The following CDH3 variants were observed in gnomAD, a reference collection of about 807,000 sequenced individuals.
The protein encoded by CDH3 is cadherin-3.
Under a neutral mutation model 82.0 loss-of-function variants are expected in CDH3, and 54 were observed. That is an observed-to-expected ratio of 0.66 (90% CI 0.53 to 0.83). The LOEUF (loss-of-function observed/expected upper bound fraction) is 0.83, where lower values mean the gene tolerates loss of function less well. Among genes scored for constraint, CDH3 ranks in the 40% least tolerant of loss-of-function variants. The probability of loss-of-function intolerance (pLI) is 0.00; values close to 1 mark genes in which losing one functional copy is unlikely to be tolerated. For missense variants in CDH3, 1,054 were observed against 1,084.6 expected (o/e 0.97, Z 0.40); for synonymous variants, 446 against 437.9 (o/e 1.02, Z -0.23).
chr16:68,678,862 C>T lies in CDH3; in HGVS notation c.647C>T (p.Thr216Ile), dbSNP rs1257195987. 3 of 1,613,968 alleles carry T rather than the reference C, an allele frequency of 1.9e-6. No individual in the cohort carries two copies. The highest frequency in any genetic ancestry group is 2.2e-5 in the East Asian group (1 of 44,894). Residue 216 changes from threonine to isoleucine, a missense_variant, in exon 6 of 16, where the codon ACC (threonine) becomes ATC (isoleucine). Physicochemically the swap from Thr to Ile is moderately conservative, Grantham distance 89 (BLOSUM62 -1). Transcript: ENST00000264012. The part of the protein sequence containing the change: ...TDQNDHKPKF[T>I]QDTFRGSVLE... Reference sequence around the variant, plus strand: ...CAGAATGACCACAAGCCCAAGTTTACCCAGGACACCTTCCGAGGGAGTGTC... The same window carrying T: ...CAGAATGACCACAAGCCCAAGTTTATCCAGGACACCTTCCGAGGGAGTGTC...
chr16:68,693,673 A>G, intron 13 of CDH3, among the ~76,000 whole-genome samples: 1 of 152,140 alleles, frequency 6.6e-6, no homozygotes, highest in East Asian at 1.9e-4. Context: ...ATGTGCATGC[A>G]TCTTCAGAAC....
intron 2 of CDH3, among the ~76,000 whole-genome samples, chr16:68,670,277 G>A (rs1379602357): frequency 6.8e-6 from 1 of 148,114 alleles, no homozygotes; most frequent in Non-Finnish European, 1.5e-5. Context: ...GTTCTTGAAT[G>A]AATGCTGCAT....
intron 2 of CDH3, among the ~76,000 whole-genome samples, chr16:68,661,400 G>A (rs758490372): frequency 3.9e-5 from 6 of 152,174 alleles, no homozygotes; most frequent in Admixed American, 2.0e-4. Flanking sequence ...ATCTCATATG[G>A]TTATGGTGAA....
At chr16:68,679,013 A>G (rs1272152151) in intron 6 of CDH3, 107 bp downstream of exon 6, 8 of 1,204,564 alleles carry the variant, frequency 6.6e-6, no homozygotes, top group African/African-American at 1.5e-5. Context: ...ATTACTTGGG[A>G]TCTTCTTAAA....
chr16:68,656,287 A>G (rs1446482298), intron 2 of CDH3, among the ~76,000 whole-genome samples: 2 of 152,118 alleles, frequency 1.3e-5, no homozygotes. Flanking sequence ...GAACCAGGAT[A>G]TTGGCCCCCA....
At chr16:68,732,664 T>C in the CDH3 span, among the ~76,000 whole-genome samples, 1 of 152,198 alleles carries the variant, frequency 6.6e-6, no homozygotes, top group Non-Finnish European at 1.5e-5. Context: ...CTCCTGGAGT[T>C]TGGGTTTTCC....
chr16:68,726,661 C>T (rs370934272), intron 2 of CDH3, among the ~76,000 whole-genome samples: 3 of 151,508 alleles, frequency 2.0e-5, no homozygotes, highest in East Asian at 3.9e-4. Flanking sequence ...TCACTGCAAC[C>T]TCCGCCTCCC....
chr16:68,647,384 G>A (rs1960105336), intron 2 of CDH3, among the ~76,000 whole-genome samples: 1 of 152,022 alleles, frequency 6.6e-6, no homozygotes, highest in Non-Finnish European at 1.5e-5. Context: ...ACTTCACTAG[G>A]CTTGAGGTTT....
At position 68,645,389 on chromosome 16, in the gene CDH3, C is replaced by T; in HGVS notation, c.10C>T (p.Pro4Ser). Reference protein sequence around the residue: MGLPRGPLASLLLL... With the variant: MGLSRGPLASLLLL... ...CCCTCTCTCTGCAGCCATGGGGCTC[C>T]CTCGTGGACCTCTCGCGTCTCTCCT... The change falls in exon 1 of 16, where the codon CCT becomes TCT. Residue 4 changes from proline (P) to serine (S), a missense_variant. Pro to Ser is a moderately conservative substitution (Grantham distance 74, BLOSUM62 -1). Coordinates refer to ENST00000264012, the MANE Select transcript of CDH3 (RefSeq NM_001793.6). 1 of 1,613,486 alleles carries T rather than the reference C, an allele frequency of 6.2e-7. No individual in the cohort carries two copies. The highest frequency in any genetic ancestry group is 8.5e-7 in the Non-Finnish European group (1 of 1,179,776).
chr16:68,700,688 A>C (rs3114411), downstream of CDH3, among the ~76,000 whole-genome samples: 35,457 of 152,166 alleles, frequency 0.23, 4,415 homozygotes, highest in Admixed American at 0.28. Context: ...CTACACACAC[A>C]TTTTTGTACT....
intron 1 of CDH3, among the ~76,000 whole-genome samples, chr16:68,709,176 A>G (rs1370532290): frequency 2.0e-5 from 3 of 152,032 alleles, no homozygotes; most frequent in Non-Finnish European, 2.9e-5. Flanking sequence ...CCTGGATTCA[A>G]GCAATCCTCC....
At chr16:68,726,738 C>T (rs1962223703) in intron 2 of CDH3, among the ~76,000 whole-genome samples, 1 of 152,052 alleles carries the variant, frequency 6.6e-6, no homozygotes, top group South Asian at 2.1e-4. Flanking sequence ...ACCACCACGC[C>T]TGGCTAATTT....
intron 9 of CDH3, among the ~76,000 whole-genome samples, chr16:68,683,159 G>A (rs1016540640): frequency 2.0e-5 from 3 of 152,172 alleles, no homozygotes; most frequent in Non-Finnish European, 4.4e-5. Flanking sequence ...ATGAAGAATG[G>A]TGTGGTTTGA....
At chr16:68,661,866 T>A (rs1025681978) in intron 2 of CDH3, among the ~76,000 whole-genome samples, 1 of 152,166 alleles carries the variant, frequency 6.6e-6, no homozygotes, top group Non-Finnish European at 1.5e-5. Flanking sequence ...TTTTTTTGTG[T>A]TTTTAGTAGA....
At chr16:68,708,093 C>T (rs560560098) in intron 1 of CDH3, among the ~76,000 whole-genome samples, 2 of 151,594 alleles carry the variant, frequency 1.3e-5, no homozygotes, top group South Asian at 2.1e-4. Context: ...TTTGGGAGGC[C>T]GAGGCGGGCC....
In CDH3 at chr16:68,658,128, G is replaced by T. The variant is rs542066794; in HGVS notation, c.160+12378G>T. On this transcript the variant is annotated intron_variant, in intron 2 of 15. Transcript: ENST00000264012. Reference sequence around the variant, plus strand: ...TTGCCCAGGCTGGTCTTGAACTCCTGGCCTCAAGTGATCCACCCGCCTCAG... The same window carrying T: ...TTGCCCAGGCTGGTCTTGAACTCCTTGCCTCAAGTGATCCACCCGCCTCAG... 2.0e-5 allele frequency among the ~76,000 whole-genome samples: 3 copies of T among 146,450 alleles called. No homozygotes were observed. In the South Asian group the frequency reaches 6.5e-4, roughly 32 times the overall value.
chr16:68,653,865 AT>A (rs1271731791), intron 2 of CDH3, among the ~76,000 whole-genome samples: 4 of 150,742 alleles, frequency 2.7e-5, no homozygotes, highest in Admixed American at 6.6e-5. Context: ...AATTTTTTGT[AT>A]TTTTAATAGA....
At chr16:68,664,034 C>G (rs947359497) in intron 2 of CDH3, among the ~76,000 whole-genome samples, 6 of 143,254 alleles carry the variant, frequency 4.2e-5, no homozygotes, top group African/African-American at 1.5e-4. Context: ...CATTTCATAG[C>G]TGAGGAAACA....
chr16:68,724,753 G>T (rs1411416156), intron 2 of CDH3, among the ~76,000 whole-genome samples: 2 of 151,996 alleles, frequency 1.3e-5, no homozygotes, highest in Non-Finnish European at 2.9e-5. Flanking sequence ...TTTTGAAAGG[G>T]AATTAATCTA....
Sources: gnomAD v4.1 joint callset for allele counts (sites outside exome capture counted in the v4.1 genomes callset) on GRCh38, gnomAD v4.1.1 for gene constraint, MANE v1.5 for transcripts, NCBI Gene and HGNC (gene_info 2026-07-23, HGNC 2026-07-21) for gene names.